The following RCBTB1 variants were observed in gnomAD, a reference collection of about 807,000 sequenced individuals.
RCBTB1 encodes the protein RCC1 and BTB domain containing protein 1.
In RCBTB1, 46 loss-of-function variants were observed where a neutral mutation model predicts 62.4. The ratio of observed to expected loss-of-function variants is 0.74; its 90% CI spans 0.58 to 0.94. The LOEUF is 0.94. Ranked by LOEUF, RCBTB1 falls within the 40% of genes least tolerant of loss-of-function variation. RCBTB1 has a pLI of 0.00. For synonymous variants in RCBTB1, 222 were observed against 245.8 expected (o/e 0.90, Z 0.91); for missense variants, 565 against 654.9 (o/e 0.86, Z 1.50).
intron 4 of RCBTB1, among the ~76,000 whole-genome samples, chr13:49,563,696 G>A (rs1330780048): frequency 6.6e-6 from 1 of 152,202 alleles, no homozygotes; most frequent in Non-Finnish European, 1.5e-5. Context: ...TGTGATGCCA[G>A]AAGGCATGAT....
At chr13:49,573,448 C>CT (rs66529613) in intron 2 of RCBTB1, among the ~76,000 whole-genome samples, 61,092 of 129,996 alleles carry the variant, frequency 0.47, 15,802 homozygotes, top group Non-Finnish European at 0.61. Context: ...AATTCCTCAT[C>CT]TTTTTTTTTT....
At chr13:49,551,138 AG>A (rs1415293770) in intron 8 of RCBTB1, 187 bp downstream of exon 8, 1 of 404,240 alleles carries the variant, frequency 2.5e-6, no homozygotes, top group Non-Finnish European at 4.0e-6. Flanking sequence ...GGGAGGGAGA[AG>A]GGGGAAGGGG....
intron 12 of RCBTB1, among the ~76,000 whole-genome samples, chr13:49,539,144 G>T (rs759004113): frequency 1.3e-5 from 2 of 150,154 alleles, no homozygotes; most frequent in Non-Finnish European, 3.0e-5. Flanking sequence ...GGGATTACAG[G>T]CGTGATCTCC....
intron 6 of RCBTB1, among the ~76,000 whole-genome samples, chr13:49,553,477 C>T (rs1961562396): frequency 6.6e-6 from 1 of 152,012 alleles, no homozygotes; most frequent in Non-Finnish European, 1.5e-5. Context: ...GAAGACTTCC[C>T]AGAACGTGAC....
At position 49,534,117 on chromosome 13, in the gene RCBTB1, G is replaced by A. The variant is rs1349751340; in HGVS notation, c.*5C>T. The A allele has an allele frequency of 1.7e-5, 27 of 1,613,240 alleles. No individual in the cohort carries two copies. In the Admixed American group the frequency reaches 3.2e-4, roughly 19 times the overall value. ...CACTCACACAGAACCCAGCAGCCTTGCGCTTCAGTTCTTAAAGGCTCCACA... is the reference window on the plus strand; with the variant it reads ...CACTCACACAGAACCCAGCAGCCTTACGCTTCAGTTCTTAAAGGCTCCACA... On this transcript the variant is annotated 3_prime_UTR_variant, in exon 13 of 13. Transcript: ENST00000378302.
chr13:49,551,638 T>G (rs560147521), intron 7 of RCBTB1, among the ~76,000 whole-genome samples, 170 bp from the exon 8 acceptor site: 1 of 152,226 alleles, frequency 6.6e-6, no homozygotes, highest in Non-Finnish European at 1.5e-5. Context: ...TGGTGGCTCA[T>G]GCCTGTAATC....
Position 49,534,242 on chromosome 13 carries a change from A to G in RCBTB1, c.1476T>C (p.Phe492=), listed in dbSNP as rs1417697711. Residue 492 remains phenylalanine (F), a synonymous_variant, in exon 13 of 13, where the codon TTT becomes TTC. Coordinates refer to ENST00000378302, the MANE Select transcript of RCBTB1 (RefSeq NM_018191.4). ...YDAEDLEEFC[F]KFCINHLTEV... ...CTGTCAAATGATTGATGCAAAACTT[A>G]AAGCAGAATTCTTCTAAATCCTGGA... The G allele has an allele frequency of 5.0e-6, 8 of 1,613,632 alleles. No homozygotes were observed. Among genetic ancestry groups the G allele is most frequent in the Non-Finnish European group, 5.9e-6 (7 of 1,179,834 alleles).
In RCBTB1 at chr13:49,559,972, C is replaced by T. The variant is rs536432176; in HGVS notation, c.390G>A (p.Val130=). 6.2e-7 allele frequency: 1 copy of T among 1,614,140 alleles called. No individual in the cohort carries two copies. Among genetic ancestry groups the T allele is most frequent in the African/African-American group, 1.3e-5 (1 of 75,038 alleles). ...GATGTGAGCCACAAGCTACTTCCAC[C>T]ACTTGCTTGATCAAGAGATTGGTAC... ...QVCTNLLIKQ[V]VEVACGSHHS... Residue 130 remains valine (V), a synonymous_variant, in exon 5 of 13, where the codon GTG becomes GTA. Coordinates refer to ENST00000378302, the MANE Select transcript of RCBTB1 (RefSeq NM_018191.4).
Position 49,540,873 on chromosome 13 carries a change from T to C in RCBTB1, c.1455+3A>G. On this transcript the variant is annotated splice_donor_region_variant and intron_variant, in intron 12 of 12. Coordinates refer to ENST00000378302, the MANE Select transcript of RCBTB1 (RefSeq NM_018191.4). ...TCTGGTTTCTGTTTGTTGTTTAAGT[T>C]ACCTCTGCATCATATCTGACTGCAG... 6.2e-7 allele frequency: 1 copy of C among 1,611,648 alleles called. No homozygotes were observed. Among genetic ancestry groups the C allele is most frequent in the Non-Finnish European group, 8.5e-7 (1 of 1,179,398 alleles).
chr13:49,578,508 G>C (rs969313353), intron 2 of RCBTB1, among the ~76,000 whole-genome samples: 6 of 152,242 alleles, frequency 3.9e-5, no homozygotes, highest in Non-Finnish European at 7.4e-5. Flanking sequence ...CTGCCTCTGA[G>C]GAACTGAAGG....
At chr13:49,537,269 T>C (rs546233521) in intron 12 of RCBTB1, among the ~76,000 whole-genome samples, 7 of 152,380 alleles carry the variant, frequency 4.6e-5, no homozygotes, top group East Asian at 1.9e-4. Flanking sequence ...ATTCATGTTA[T>C]AGCACATCAA....
intron 12 of RCBTB1, among the ~76,000 whole-genome samples, chr13:49,534,512 G>A (rs777830241): frequency 4.0e-5 from 6 of 150,696 alleles, no homozygotes; most frequent in East Asian, 3.9e-4. Context: ...ACACACGCGC[G>A]CGCACACACA....
At chr13:49,558,785 G>A (rs1313607476) in intron 5 of RCBTB1, among the ~76,000 whole-genome samples, 1 of 151,628 alleles carries the variant, frequency 6.6e-6, no homozygotes, top group Non-Finnish European at 1.5e-5. Context: ...CCCTCAGTGA[G>A]CTGTCACATT....
chr13:49,545,378 G>A (rs1047004205), intron 9 of RCBTB1, among the ~76,000 whole-genome samples: 3 of 152,216 alleles, frequency 2.0e-5, no homozygotes, highest in East Asian at 3.9e-4. Context: ...TAAGTATCTG[G>A]AATCTAAACA....
chr13:49,554,465 A>C (rs1171065268), intron 6 of RCBTB1, among the ~76,000 whole-genome samples: 3 of 152,204 alleles, frequency 2.0e-5, no homozygotes, highest in Non-Finnish European at 4.4e-5. Flanking sequence ...ATAAGTTAAC[A>C]TAAGGTCTAT....
chr13:49,580,652 G>A (rs2137397671), intron 1 of RCBTB1, 68 bp from the exon 2 acceptor site: 1 of 152,250 alleles, frequency 6.6e-6, no homozygotes, highest in East Asian at 1.9e-4. Context: ...ATTCAAGGCT[G>A]GAATTGGTGG....
intron 6 of RCBTB1, 77 bp downstream of exon 6, chr13:49,555,438 T>A: frequency 8.3e-7 from 1 of 1,201,048 alleles, no homozygotes; most frequent in East Asian, 2.3e-5. Context: ...TTCCATCTGA[T>A]ACATTCACCT....
intron 2 of RCBTB1, among the ~76,000 whole-genome samples, chr13:49,569,047 C>A (rs1434008046): frequency 1.3e-5 from 2 of 152,108 alleles, no homozygotes; most frequent in Non-Finnish European, 1.5e-5. Context: ...CCTCACTTTA[C>A]CAATAAGGAA....
intron 6 of RCBTB1, among the ~76,000 whole-genome samples, chr13:49,552,635 A>G (rs1295762762): frequency 6.6e-6 from 1 of 152,174 alleles, no homozygotes; most frequent in Admixed American, 6.5e-5. Flanking sequence ...AAATAGATAC[A>G]TGCAAATTTT....
Sources: allele counts gnomAD v4.1 joint callset (sites outside exome capture counted in the v4.1 genomes callset), GRCh38; gene constraint gnomAD v4.1.1; transcripts MANE v1.5; gene names NCBI Gene and HGNC (gene_info 2026-07-23, HGNC 2026-07-21).